The following ERCC6 variants were observed in gnomAD, a reference collection of about 807,000 sequenced individuals.
ERCC6 encodes ERCC excision repair 6, chromatin remodeling factor, also known as DNA excision repair protein ERCC-6.
ERCC6 carries 116 observed loss-of-function variants against 158.7 expected under a neutral mutation model. The ratio of observed to expected loss-of-function variants is 0.73; its 90% CI spans 0.63 to 0.85. The LOEUF is 0.85. ERCC6 is among the 40% of genes least tolerant of loss of function. The probability of loss-of-function intolerance (pLI) is 0.00; values close to 1 mark genes in which losing one functional copy is unlikely to be tolerated. For synonymous variants in ERCC6, 678 were observed against 659.3 expected (o/e 1.03, Z -0.43); for missense variants, 1,698 against 1,799.4 (o/e 0.94, Z 1.02).
At chr10:49,503,046 TC>T (rs1851381194) in intron 6 of ERCC6, 1 of 152,190 alleles carries the variant, frequency 6.6e-6, no homozygotes, top group South Asian at 2.1e-4. Context: ...GACCAGCTCC[TC>T]CAGTCGGGGA....
chr10:49,496,664 C>T (rs1484082179), intron 7 of ERCC6, among the ~76,000 whole-genome samples: 2 of 152,082 alleles, frequency 1.3e-5, no homozygotes, highest in East Asian at 3.9e-4. Flanking sequence ...AAAAATTAGC[C>T]GGGTATGGTG....
the ERCC6 span, among the ~76,000 whole-genome samples, chr10:49,447,915 C>T: frequency 6.6e-6 from 1 of 151,824 alleles, no homozygotes; most frequent in Non-Finnish European, 1.5e-5. Context: ...TGTAGATAGA[C>T]CACATTTTGT....
At chr10:49,536,297 T>C (rs534845108) in intron 1 of ERCC6, among the ~76,000 whole-genome samples, 1 of 152,012 alleles carries the variant, frequency 6.6e-6, no homozygotes, top group East Asian at 1.9e-4. Flanking sequence ...ATGGATTTGT[T>C]GGGGGTAGGG....
intron 16 of ERCC6, 82 bp from the exon 17 acceptor site, chr10:49,471,202 A>G (rs1487169607): frequency 2.2e-6 from 3 of 1,367,182 alleles, no homozygotes; most frequent in Non-Finnish European, 3.1e-6. Context: ...TATAAGAGAG[A>G]GATGATAACA....
downstream of ERCC6, among the ~76,000 whole-genome samples, chr10:49,450,824 T>TG (rs1021072669): frequency 6.4e-4 from 97 of 152,250 alleles, no homozygotes; most frequent in African/African-American, 2.0e-3. Flanking sequence ...CGATTTTTTT[T>TG]TTTTTGAGAT....
rs2229761 is a variant in ERCC6 at position 49,461,413 on chromosome 10, C to G, written c.3922G>C (p.Val1308Leu). The G allele has an allele frequency of 1.4e-3, 2,241 of 1,614,138 alleles. 22 individuals carry two copies. In the African/African-American group the frequency reaches 0.025, roughly 18 times the overall value. Residue 1308 changes from valine (V) to leucine (L), a missense_variant, in exon 19 of 21, where the codon GTG becomes CTG. Val to Leu is a conservative substitution (Grantham distance 32, BLOSUM62 1). Coordinates refer to ENST00000355832, the MANE Select transcript of ERCC6 (RefSeq NM_000124.4). ...RLSRQRCLGA[V>L]SGVPTWTGHR... ...CCAGTCCAGGTGGGAACACCAGACA[C>G]TGCTCCCAGACACCGCTGACGAGAG...
chr10:49,516,487 T>G (rs1836968868), intron 5 of ERCC6: 1 of 1,614,180 alleles, frequency 6.2e-7, no homozygotes, highest in Admixed American at 1.7e-5. Context: ...ACCAGTACAT[T>G]ATGCACATCT....
rs779608430 is a variant in ERCC6 at position 49,470,732 on chromosome 10, T to A, written c.3228A>T (p.Lys1076Asn). Residue 1076 changes from lysine (K) to asparagine (N), a missense_variant, in exon 18 of 21, where the codon AAA (lysine) becomes AAT (asparagine). Physicochemically the swap from Lys to Asn is moderately conservative, Grantham distance 94. Transcript: ENST00000355832. ...ATSSEEKSEA[K>N]GAEVNAVTSN... is the part of the protein sequence containing the mutation. The stretch of plus-strand genomic sequence containing the variant: ...AAGTTACTGCATTTACTTCAGCTCC[T>A]TTAGCCTCAGATTTCTCTTCAGATG... 6.8e-6 allele frequency: 11 copies of A among 1,614,168 alleles called. No homozygotes were observed. Among genetic ancestry groups the A allele is most frequent in the South Asian group, 6.6e-5 (6 of 91,078 alleles).
chr10:49,512,396 G>T (rs888506043), intron 5 of ERCC6, among the ~76,000 whole-genome samples: 2 of 152,166 alleles, frequency 1.3e-5, no homozygotes, highest in Non-Finnish European at 2.9e-5. Context: ...ATGTTGCACG[G>T]TTTGTCCCCT....
intron 1 of ERCC6, 141 bp from the exon 2 acceptor site, chr10:49,533,119 T>A: frequency 1.9e-6 from 2 of 1,070,282 alleles, no homozygotes; most frequent in Non-Finnish European, 2.6e-6. Flanking sequence ...TTCCAAGTAT[T>A]AATTTACTAA....
intron 5 of ERCC6, chr10:49,516,330 G>C: frequency 6.2e-7 from 1 of 1,614,038 alleles, no homozygotes; most frequent in Non-Finnish European, 8.5e-7. Context: ...TGTTTCATTT[G>C]GAACAAATTT....
At chr10:49,496,636 C>T (rs551307480) in intron 7 of ERCC6, among the ~76,000 whole-genome samples, 2 of 152,140 alleles carry the variant, frequency 1.3e-5, no homozygotes, top group African/African-American at 2.4e-5. Flanking sequence ...GGTGAAACCC[C>T]GTCTCTACCT....
At chr10:49,450,962 C>T (rs932793194), downstream of ERCC6, among the ~76,000 whole-genome samples, 6 of 152,144 alleles carry the variant, frequency 3.9e-5, no homozygotes, top group South Asian at 1.2e-3. Context: ...CAGGCACCCG[C>T]CACCACGCCT....
intron 12 of ERCC6, chr10:49,475,440 G>A: frequency 2.2e-6 from 1 of 450,558 alleles, no homozygotes; most frequent in Non-Finnish European, 4.5e-6. Context: ...GGAAAGACCT[G>A]AAGAAGTTAA....
the ERCC6 span, among the ~76,000 whole-genome samples, chr10:49,437,766 A>G: frequency 6.6e-6 from 1 of 152,222 alleles, no homozygotes; most frequent in African/African-American, 2.4e-5. Flanking sequence ...GATTTTTTGA[A>G]GAGACTAATA....
At position 49,493,191 on chromosome 10, in the gene ERCC6, T is replaced by G. The variant is rs200235830; in HGVS notation, c.1747A>C (p.Lys583Gln). Reference protein sequence around the residue: ...CPTTVMHQWVKEFHTWWPPFR... With the variant: ...CPTTVMHQWVQEFHTWWPPFR... ...GGAGGCCACCACGTGTGAAATTCCT[T>G]CACCCACTGATGCATCACTGTTGTT... Residue 583 changes from lysine to glutamine, a missense_variant, in exon 8 of 21, where the codon AAG becomes CAG. By Grantham distance (53) the Lys-to-Gln change is moderately conservative. Coordinates refer to ENST00000355832, the MANE Select transcript of ERCC6 (RefSeq NM_000124.4). 1 of 1,614,120 alleles carries G rather than the reference T, an allele frequency of 6.2e-7. No homozygotes were observed. Among genetic ancestry groups the G allele is most frequent in the Non-Finnish European group, 8.5e-7 (1 of 1,180,010 alleles).
rs754265680 is a variant in ERCC6, at chr10:49,474,064, T to C, written c.2561A>G (p.Gln854Arg). ...VESLLKIWHK[Q>R]GQRVLLFSQS... ...AGAAAACAGCAATACTCGCTGACCC[T>C]GCTTGTGCCATATTTTCAACAAAGA... The change falls in exon 13 of 21, where the codon CAG (glutamine) becomes CGG (arginine). Residue 854 changes from glutamine (Q) to arginine (R), a missense_variant. Transcript: ENST00000355832. 7 of 1,614,132 alleles carry C rather than the reference T, an allele frequency of 4.3e-6. No individual in the cohort carries two copies. Among genetic ancestry groups the C allele is most frequent in the South Asian group, 3.3e-5 (3 of 91,086 alleles).
At chr10:49,508,307 T>C (rs1851479020) in intron 5 of ERCC6, among the ~76,000 whole-genome samples, 1 of 152,196 alleles carries the variant, frequency 6.6e-6, no homozygotes, top group Non-Finnish European at 1.5e-5. Context: ...TGATATATGA[T>C]GACCATTTCC....
chr10:49,446,605 T>C, the ERCC6 span, among the ~76,000 whole-genome samples: 3 of 152,048 alleles, frequency 2.0e-5, no homozygotes, highest in Admixed American at 2.0e-4. Context: ...CGAGACTCTG[T>C]CTCTCTGAAA....
Sources: allele counts gnomAD v4.1 joint callset (sites outside exome capture counted in the v4.1 genomes callset), GRCh38; gene constraint gnomAD v4.1.1; transcripts MANE v1.5; gene names NCBI Gene and HGNC (gene_info 2026-07-23, HGNC 2026-07-21).